Variants in MDGA2 observed in about 807,000 individuals in gnomAD.
MDGA2 encodes MAM domain-containing glycosylphosphatidylinositol anchor protein 2.
In MDGA2, 40 loss-of-function variants were observed where a neutral mutation model predicts 117.8. That is an observed-to-expected ratio of 0.34 (90% CI 0.26 to 0.44). The LOEUF is 0.44. MDGA2 is among the 20% of genes least tolerant of loss of function. MDGA2 has a pLI of 1.00. For missense variants in MDGA2, 1,123 were observed against 1,250.6 expected (o/e 0.90, Z 1.54); for synonymous variants, 452 against 439.0 (o/e 1.03, Z -0.37).
chr14:47,470,770 C>G (rs1254120892), intron 1 of MDGA2, among the ~76,000 whole-genome samples: 1 of 152,108 alleles, frequency 6.6e-6, no homozygotes, highest in African/African-American at 2.4e-5. Flanking sequence ...GGATTACCCA[C>G]CATTTCTGTC....
intron 5 of MDGA2, among the ~76,000 whole-genome samples, chr14:47,097,495 T>C (rs1244361293): frequency 1.3e-5 from 2 of 152,000 alleles, no homozygotes; most frequent in Admixed American, 6.6e-5. Context: ...ACTGCAGATA[T>C]TCAGTCCTTG....
Position 47,469,575 on chromosome 14 carries a change from C to G in MDGA2, c.281-168025G>C, listed in dbSNP as rs539580538. Among the ~76,000 whole-genome samples the G allele has an allele frequency of 4.2e-3, 641 of 152,118 alleles. 5 individuals are homozygous for G. Among genetic ancestry groups the G allele is most frequent in the African/African-American group, 0.015 (610 of 41,480 alleles). Reference sequence around the variant, plus strand: ...TCGTTGTTGGACATTTGGGTTGGTTCCAAGTCTTTGCTATTGTGAATAGTG... The same window carrying G: ...TCGTTGTTGGACATTTGGGTTGGTTGCAAGTCTTTGCTATTGTGAATAGTG... On this transcript the variant is annotated intron_variant, in intron 1 of 16. Coordinates refer to ENST00000399232, the MANE Select transcript of MDGA2 (RefSeq NM_001113498.3).
intron 5 of MDGA2, among the ~76,000 whole-genome samples, chr14:47,101,494 G>GT (rs892945594): frequency 2.0e-5 from 3 of 152,100 alleles, no homozygotes; most frequent in Non-Finnish European, 2.9e-5. Context: ...TAGGAGATCA[G>GT]TTTGTCCCTT....
chr14:47,096,505 A>C (rs894250244), intron 6 of MDGA2, among the ~76,000 whole-genome samples: 1 of 148,986 alleles, frequency 6.7e-6, no homozygotes, highest in Admixed American at 6.8e-5. Context: ...CTGAATTCCT[A>C]AACTATTATA....
chr14:47,477,073 AAT>A (rs1476458054), intron 1 of MDGA2, among the ~76,000 whole-genome samples: 3 of 152,182 alleles, frequency 2.0e-5, no homozygotes, highest in Non-Finnish European at 4.4e-5. Context: ...GAGGCAGGAG[AAT>A]CACTTGAACC....
chr14:47,168,981 CATT>C (rs775275611), intron 3 of MDGA2, among the ~76,000 whole-genome samples: 11 of 152,034 alleles, frequency 7.2e-5, no homozygotes, highest in Non-Finnish European at 1.6e-4. Context: ...TTTATTGTCT[CATT>C]ATTGATAAAA....
At position 47,096,972 on chromosome 14, in the gene MDGA2, C is replaced by T; in HGVS notation, c.1077G>A (p.Leu359=). Residue 359 remains leucine, a synonymous_variant, in exon 6 of 17, where the codon TTG becomes TTA. Coordinates refer to ENST00000399232, the MANE Select transcript of MDGA2 (RefSeq NM_001113498.3). ...SFGTLPEKTV[L]NGGTLTIPAI... ...CAGGTATGGTCAAAGTTCCTCCATT[C>T]AAAACAGTCTTTTCAGGCAGAGTCC... 1 of 1,613,308 alleles carries T rather than the reference C, an allele frequency of 6.2e-7. No homozygotes were observed. The highest frequency in any genetic ancestry group is 8.5e-7 in the Non-Finnish European group (1 of 1,179,500).
intron 2 of MDGA2, among the ~76,000 whole-genome samples, chr14:47,250,054 T>C (rs1887393813): frequency 6.6e-6 from 1 of 152,172 alleles, no homozygotes. Flanking sequence ...AGACACAAGA[T>C]TATGAAGGAA....
chr14:47,313,465 T>C (rs1889707925), intron 1 of MDGA2, among the ~76,000 whole-genome samples: 1 of 151,954 alleles, frequency 6.6e-6, no homozygotes, highest in East Asian at 1.9e-4. Context: ...TTGTTTTGTT[T>C]TGTTTTGTTT....
At chr14:47,561,100 T>C (rs946891931) in intron 1 of MDGA2, among the ~76,000 whole-genome samples, 4 of 151,068 alleles carry the variant, frequency 2.6e-5, no homozygotes, top group Non-Finnish European at 5.9e-5. Flanking sequence ...TTTGGCCCTA[T>C]AGTATAGTTT....
chr14:47,061,481 T>G lies in MDGA2; in HGVS notation c.1293A>C (p.Glu431Asp). ...GREVKISCQV[E>D]AVPSEELTFS... ...ATGTTAGCTCCTCAGAAGGAACAGC[T>G]TCTACTTGGCAAGATATTTTCACCT... Residue 431 changes from glutamate (E) to aspartate (D), a missense_variant, in exon 7 of 17, where the codon GAA (glutamate) becomes GAC (aspartate). Glu to Asp is a conservative substitution (Grantham distance 45). Coordinates refer to ENST00000399232, the MANE Select transcript of MDGA2 (RefSeq NM_001113498.3). The G allele has an allele frequency of 6.2e-7, 1 of 1,613,492 alleles. No homozygotes were observed. Among genetic ancestry groups the G allele is most frequent in the Middle Eastern group, 1.7e-4 (1 of 6,058 alleles).
rs372973506 is a variant in MDGA2 at position 46,899,516 on chromosome 14, G to A, written c.2239-17295C>T. Among the ~76,000 whole-genome samples, 33 of 151,752 alleles carry A rather than the reference G, an allele frequency of 2.2e-4. No individual in the cohort carries two copies. The South Asian group carries it at 6.3e-3, about 29-fold the overall frequency. The stretch of plus-strand genomic sequence containing the variant: ...TTACTGCCCAAGACAATTAACATGG[G>A]CAAAAGAATATGTGCTCACCAAAAG... On this transcript the variant is annotated intron_variant, in intron 10 of 16. Transcript: ENST00000399232.
chr14:47,077,536 G>A (rs1470192667), intron 6 of MDGA2, among the ~76,000 whole-genome samples: 3 of 151,806 alleles, frequency 2.0e-5, no homozygotes, highest in Non-Finnish European at 4.4e-5. Flanking sequence ...TCTACATAAT[G>A]GGACTTAACC....
intron 2 of MDGA2, among the ~76,000 whole-genome samples, chr14:47,231,764 A>G (rs1886699990): frequency 6.6e-6 from 1 of 151,924 alleles, no homozygotes; most frequent in Non-Finnish European, 1.5e-5. Context: ...AAAAAAAAAA[A>G]AGGGAGAAGA....
At chr14:47,461,810 CT>C (rs796339456) in intron 1 of MDGA2, among the ~76,000 whole-genome samples, 1 of 152,330 alleles carries the variant, frequency 6.6e-6, no homozygotes, top group African/African-American at 2.4e-5. Flanking sequence ...AAGCTTTCCA[CT>C]TTTCCCAGAA....
intron 1 of MDGA2, among the ~76,000 whole-genome samples, chr14:47,330,388 T>C (rs1032783130): frequency 6.6e-6 from 1 of 151,920 alleles, no homozygotes; most frequent in Non-Finnish European, 1.5e-5. Context: ...AACTGGGATA[T>C]ACAAAGAAAT....
chr14:47,006,126 A>G (rs1451653531), intron 8 of MDGA2, among the ~76,000 whole-genome samples: 1 of 151,386 alleles, frequency 6.6e-6, no homozygotes, highest in African/African-American at 2.4e-5. Context: ...GAAATGTATG[A>G]TTAGGAATTG....
intron 6 of MDGA2, among the ~76,000 whole-genome samples, chr14:47,061,893 C>T (rs1889896964): frequency 6.6e-6 from 1 of 151,892 alleles, no homozygotes; most frequent in South Asian, 2.1e-4. Context: ...GAATTTTGAA[C>T]AAATGACAGA....
intron 1 of MDGA2, among the ~76,000 whole-genome samples, chr14:47,383,983 T>TGACAGATAGATA (rs1891696386): frequency 7.1e-6 from 1 of 141,674 alleles, no homozygotes. Flanking sequence ...AATAGATAGA[T>TGACAGATAGATA]GATAGATAGA....
Sources: gnomAD v4.1 joint callset for allele counts (sites outside exome capture counted in the v4.1 genomes callset) on GRCh38, gnomAD v4.1.1 for gene constraint, MANE v1.5 for transcripts, NCBI Gene and HGNC (gene_info 2026-07-23, HGNC 2026-07-21) for gene names.